The following PAK5 variants were observed in gnomAD, a reference collection of about 807,000 sequenced individuals.
PAK5 encodes serine/threonine-protein kinase PAK 5.
In PAK5, 16 loss-of-function variants were observed where a neutral mutation model predicts 65.9. The observed-to-expected ratio is 0.24, with a 90% CI of 0.16 to 0.37. PAK5 has a LOEUF of 0.37. PAK5 is among the 10% of genes least tolerant of loss of function. The pLI is 1.00. For missense variants in PAK5, 785 were observed against 903.9 expected (o/e 0.87, Z 1.69); for synonymous variants, 371 against 354.9 (o/e 1.05, Z -0.51).
intron 4 of PAK5, among the ~76,000 whole-genome samples, chr20:9,575,368 G>A (rs1568973866): frequency 2.0e-5 from 3 of 152,118 alleles, no homozygotes; most frequent in African/African-American, 7.2e-5. Context: ...AGTAGGTACT[G>A]AAACACTTTA....
At chr20:9,585,310 A>G (rs2123040184) in intron 3 of PAK5, among the ~76,000 whole-genome samples, 1 of 152,304 alleles carries the variant, frequency 6.6e-6, no homozygotes, top group East Asian at 1.9e-4. Flanking sequence ...TTTACTGAGT[A>G]AAACCTGAAA....
At chr20:9,540,768 G>A (rs1035099067) in intron 9 of PAK5, among the ~76,000 whole-genome samples, 5 of 146,586 alleles carry the variant, frequency 3.4e-5, no homozygotes, top group African/African-American at 7.6e-5. Context: ...ACGTAGTCTC[G>A]CTGTGTCACC....
At chr20:9,627,689 C>A (rs905865302) in intron 3 of PAK5, among the ~76,000 whole-genome samples, 2 of 151,952 alleles carry the variant, frequency 1.3e-5, no homozygotes, top group Non-Finnish European at 2.9e-5. Flanking sequence ...TGCAGTGGCA[C>A]GATCTCTGCT....
Position 9,551,905 on chromosome 20 carries a change from TG to T in PAK5, c.1743+5702del, listed in dbSNP as rs377515430. ...ACGTTATGGAAAAAGCAGATAACAG[TG>T]GCCAGAAAAAGAAGTCTTCAGGCAT... On this transcript the variant is annotated intron_variant, in intron 7 of 9. Transcript: ENST00000353224. Among the ~76,000 whole-genome samples the T allele has an allele frequency of 3.0e-4, 45 of 152,272 alleles. 1 individual carries two copies. The East Asian group carries it at 8.7e-3, about 29-fold the overall frequency.
chr20:9,554,378 C>A (rs2045475769), intron 7 of PAK5, among the ~76,000 whole-genome samples: 1 of 152,200 alleles, frequency 6.6e-6, no homozygotes, highest in African/African-American at 2.4e-5. Flanking sequence ...GAAGCTCAAG[C>A]CACATGGGGA....
intron 1 of PAK5, among the ~76,000 whole-genome samples, chr20:9,784,852 C>T (rs943000893): frequency 2.6e-5 from 4 of 151,682 alleles, no homozygotes; most frequent in South Asian, 2.1e-4. Context: ...CTTTGAATTT[C>T]GCAGTCTGCC....
intron 3 of PAK5, among the ~76,000 whole-genome samples, chr20:9,630,964 A>G (rs1229448464): frequency 6.6e-6 from 1 of 152,174 alleles, no homozygotes; most frequent in Non-Finnish European, 1.5e-5. Flanking sequence ...TTGGCTTCAC[A>G]GGTCCATGGA....
At chr20:9,679,045 G>A (rs1441345009) in intron 2 of PAK5, among the ~76,000 whole-genome samples, 2 of 152,146 alleles carry the variant, frequency 1.3e-5, no homozygotes, top group Non-Finnish European at 2.9e-5. Context: ...CTACCCCTGA[G>A]ACAGCAAGAC....
chr20:9,550,721 C>A (rs140456972), intron 7 of PAK5, among the ~76,000 whole-genome samples: 1 of 122,084 alleles, frequency 8.2e-6, no homozygotes, highest in African/African-American at 3.4e-5. Flanking sequence ...AGCATAGAAA[C>A]CATAATTGTG....
At chr20:9,577,051 G>A (rs1045743035) in intron 4 of PAK5, among the ~76,000 whole-genome samples, 6 of 152,184 alleles carry the variant, frequency 3.9e-5, no homozygotes, top group African/African-American at 9.7e-5. Context: ...GCTTCCTTCC[G>A]TGGAAGGCAG....
intron 6 of PAK5, 50 bp from the exon 7 acceptor site, chr20:9,557,784 T>A (rs758818733): frequency 6.5e-7 from 1 of 1,529,310 alleles, no homozygotes; most frequent in East Asian, 2.3e-5. Flanking sequence ...AGAACATCTT[T>A]GAAATGCTCA....
At chr20:9,799,939 CAAAAAAAAAAAAAAA>C (rs71331383) in intron 1 of PAK5, among the ~76,000 whole-genome samples, 2 of 43,668 alleles carry the variant, frequency 4.6e-5, no homozygotes, top group African/African-American at 1.4e-4. Flanking sequence ...ACTCTGTCTC[CAAAAAAAAAAAAAAA>C]AAAAAAAAAA....
chr20:9,713,719 G>A (rs540695308), intron 1 of PAK5, among the ~76,000 whole-genome samples: 2 of 152,092 alleles, frequency 1.3e-5, no homozygotes, highest in South Asian at 2.1e-4. Context: ...GCAGCAATAC[G>A]GATGGAATTG....
At chr20:9,596,899 A>G (rs1169124488) in intron 3 of PAK5, among the ~76,000 whole-genome samples, 1 of 152,160 alleles carries the variant, frequency 6.6e-6, no homozygotes, top group Non-Finnish European at 1.5e-5. Context: ...GCAGACTCCA[A>G]GGGAGCAGGT....
intron 4 of PAK5, among the ~76,000 whole-genome samples, chr20:9,575,303 TC>T (rs1302372604): frequency 6.6e-6 from 1 of 152,182 alleles, no homozygotes; most frequent in Non-Finnish European, 1.5e-5. Flanking sequence ...CAAAGGATTG[TC>T]TTGGCCTCCC....
intron 3 of PAK5, among the ~76,000 whole-genome samples, chr20:9,624,978 A>T (rs928884117): frequency 6.6e-6 from 1 of 152,180 alleles, no homozygotes; most frequent in Non-Finnish European, 1.5e-5. Context: ...GAACTTTATA[A>T]CTGGGCATAA....
intron 2 of PAK5, among the ~76,000 whole-genome samples, chr20:9,657,540 TAAAAC>T (rs1466013585): frequency 6.6e-6 from 1 of 152,222 alleles, no homozygotes; most frequent in African/African-American, 2.4e-5. Flanking sequence ...ACATTTTAGA[TAAAAC>T]AAAACAGATT....
chr20:9,680,255 A>ATT (rs2047631757), intron 2 of PAK5, among the ~76,000 whole-genome samples: 1 of 152,226 alleles, frequency 6.6e-6, no homozygotes, highest in African/African-American at 2.4e-5. Flanking sequence ...ACTGTAATTT[A>ATT]GTAAGTTAAA....
rs369338054 is a variant in PAK5, at chr20:9,618,573, A to ATT, written c.204+25550_204+25551dup. Among the ~76,000 whole-genome samples the ATT allele has an allele frequency of 4.9e-4, 71 of 144,778 alleles. No homozygotes were observed. The East Asian group carries it at 8.0e-3, about 16-fold the overall frequency. The allele number at this position is 144,778 out of a possible 152,430, so 95.0% of individuals were successfully genotyped here. A position where few individuals can be genotyped will look rare whatever the true frequency, so the allele number is the denominator to read the frequency against. Reference sequence around the variant, plus strand: ...AGGCATGTGCCACCAGGCCCAGCTAATTTTTTTTTTTTTGTATTTTTAGTA... The same window carrying ATT: ...AGGCATGTGCCACCAGGCCCAGCTAATTTTTTTTTTTTTTTGTATTTTTAGTA... On this transcript the variant is annotated intron_variant, in intron 3 of 9. Transcript: ENST00000353224.
Sources: gnomAD v4.1 joint callset for allele counts (sites outside exome capture counted in the v4.1 genomes callset) on GRCh38, gnomAD v4.1.1 for gene constraint, MANE v1.5 for transcripts, NCBI Gene and HGNC (gene_info 2026-07-23, HGNC 2026-07-21) for gene names.